The following GALNT13 variants were observed in gnomAD, a reference collection of about 807,000 sequenced individuals.
The protein encoded by GALNT13 is UDP-GalNAc:polypeptide N-acetylgalactosaminyltransferase 13.
In GALNT13, 28 loss-of-function variants were observed where a neutral mutation model predicts 64.2. That is an observed-to-expected ratio of 0.44 (90% CI 0.32 to 0.60). The LOEUF (loss-of-function observed/expected upper bound fraction) is 0.60. GALNT13 is among the 20% of genes least tolerant of loss of function. The pLI, the probability that GALNT13 is intolerant of heterozygous loss-of-function variation, is 0.05. For synonymous variants in GALNT13, 214 were observed against 224.6 expected (o/e 0.95, Z 0.42); for missense variants, 577 against 669.8 (o/e 0.86, Z 1.53).
At chr2:154,067,891 T>C (rs1700549736) in intron 3 of GALNT13, among the ~76,000 whole-genome samples, 1 of 151,720 alleles carries the variant, frequency 6.6e-6, no homozygotes, top group Non-Finnish European at 1.5e-5. Context: ...TAAAATCTTC[T>C]GCACAGCAAA....
At chr2:154,110,007 C>T (rs1247786876) in intron 3 of GALNT13, among the ~76,000 whole-genome samples, 1 of 151,642 alleles carries the variant, frequency 6.6e-6, no homozygotes, top group African/African-American at 2.4e-5. Flanking sequence ...TGGATGTGTT[C>T]ATTTCTTTTC....
chr2:154,322,483 G>A (rs537912436), intron 9 of GALNT13, among the ~76,000 whole-genome samples: 1 of 150,798 alleles, frequency 6.6e-6, no homozygotes, highest in African/African-American at 2.4e-5. Flanking sequence ...GAGACTAAAA[G>A]GACAATTGAA....
chr2:153,413,124 G>A, the GALNT13 span, among the ~76,000 whole-genome samples: 1 of 152,108 alleles, frequency 6.6e-6, no homozygotes, highest in African/African-American at 2.4e-5. Flanking sequence ...TGTCTTGAGA[G>A]GAGTAGTGAC....
rs143139856 is a variant in GALNT13 at position 153,887,116 on chromosome 2, C to G, written c.-176-13820C>G. Among the ~76,000 whole-genome samples the G allele has an allele frequency of 2.3e-3, 347 of 151,962 alleles. 4 individuals carry two copies. Among genetic ancestry groups the G allele is most frequent in the East Asian group, 1.2e-3 (6 of 5,158 alleles). On this transcript the variant is annotated intron_variant, in intron 1 of 12. Transcript: ENST00000392825. ...GGTCTCTTACTGGGCAAGAAGGTCT[C>G]TTTTAAGTGCTTTACATAACATTAA...
rs935788419 is a variant in GALNT13, at chr2:154,446,496, C to T, written c.1531-3915C>T. On this transcript the variant is annotated intron_variant, in intron 12 of 12. Coordinates refer to ENST00000392825, the MANE Select transcript of GALNT13 (RefSeq NM_052917.4). ...TTTATCCAGTAGAAATTGCATGTTG[C>T]CTAGGATGATTGATTTATTACTGTC... The T allele has an allele frequency of 3.5e-6, 5 of 1,409,956 alleles. No homozygotes were observed. The African/African-American group carries it at 5.8e-5, about 16-fold the overall frequency. 87.3% of individuals were successfully genotyped at this position (1,409,956 alleles called of 1,614,324 possible).
chr2:153,612,636 G>C, the GALNT13 span, among the ~76,000 whole-genome samples: 4 of 151,218 alleles, frequency 2.6e-5, no homozygotes, highest in Non-Finnish European at 3.0e-5. Context: ...AGAAAACAAA[G>C]AAAAAAAGGC....
chr2:153,429,292 A>G, the GALNT13 span, among the ~76,000 whole-genome samples: 2 of 152,228 alleles, frequency 1.3e-5, no homozygotes, highest in African/African-American at 4.8e-5. Flanking sequence ...CTTCCTTTAA[A>G]TGTCCTGAAT....
chr2:154,328,343 T>C (rs530265279), intron 9 of GALNT13, among the ~76,000 whole-genome samples: 5 of 152,288 alleles, frequency 3.3e-5, no homozygotes, highest in South Asian at 4.1e-4. Flanking sequence ...TTGCTCAACA[T>C]TGTTTTTGAT....
At chr2:153,458,034 T>C in the GALNT13 span, among the ~76,000 whole-genome samples, 1 of 152,196 alleles carries the variant, frequency 6.6e-6, no homozygotes, top group African/African-American at 2.4e-5. Context: ...TTTGTTTCAA[T>C]GGTTACCATT....
chr2:154,291,719 C>T (rs995764822), intron 8 of GALNT13, among the ~76,000 whole-genome samples: 58 of 152,236 alleles, frequency 3.8e-4, no homozygotes, highest in Non-Finnish European at 6.6e-4. Flanking sequence ...CTGGCTCCCG[C>T]CTTGGCCAGC....
At chr2:153,422,840 A>C in the GALNT13 span, among the ~76,000 whole-genome samples, 27 of 152,112 alleles carry the variant, frequency 1.8e-4, no homozygotes, top group Admixed American at 3.3e-4. Context: ...TTGGTGGAAA[A>C]CACAACGACA....
At chr2:154,380,857 A>G (rs1208029811) in intron 9 of GALNT13, among the ~76,000 whole-genome samples, 7 of 151,938 alleles carry the variant, frequency 4.6e-5, no homozygotes, top group African/African-American at 1.7e-4. Flanking sequence ...CCAATTTTAC[A>G]TGTCAGAATT....
intron 2 of GALNT13, among the ~76,000 whole-genome samples, chr2:153,932,626 C>CTTTTTTTTTTTTTT (rs34617568): frequency 1.0e-5 from 1 of 95,652 alleles, no homozygotes; most frequent in Non-Finnish European, 2.0e-5. Flanking sequence ...TTCTGTCTTT[C>CTTTTTTTTTTTTTT]TTTTTTTTTT....
intron 8 of GALNT13, among the ~76,000 whole-genome samples, chr2:154,260,642 C>T (rs1158785974): frequency 6.6e-6 from 1 of 152,122 alleles, no homozygotes; most frequent in Admixed American, 6.6e-5. Context: ...GACAGTAACT[C>T]TTTGCAGGAA....
intron 2 of GALNT13, among the ~76,000 whole-genome samples, chr2:153,935,446 G>T (rs150794750): frequency 1.3e-5 from 2 of 152,204 alleles, no homozygotes; most frequent in Non-Finnish European, 1.5e-5. Flanking sequence ...TTAAGCATGT[G>T]TCATGTCACT....
the GALNT13 span, among the ~76,000 whole-genome samples, chr2:153,630,678 T>TA: frequency 3.5e-4 from 45 of 127,254 alleles, no homozygotes; most frequent in Non-Finnish European, 5.5e-4. Context: ...ATTAAAAAAT[T>TA]AAAAAAAATT....
the GALNT13 span, among the ~76,000 whole-genome samples, chr2:153,265,440 C>T: frequency 6.6e-6 from 1 of 152,186 alleles, no homozygotes; most frequent in South Asian, 2.1e-4. Context: ...TTGCTTTCTA[C>T]TGTGACAGGG....
chr2:153,501,452 C>G, the GALNT13 span, among the ~76,000 whole-genome samples: 3 of 152,128 alleles, frequency 2.0e-5, no homozygotes, highest in African/African-American at 7.2e-5. Context: ...CCACCTCAGC[C>G]CTCCTGGTAG....
the GALNT13 span, among the ~76,000 whole-genome samples, chr2:153,766,621 T>C: frequency 6.6e-6 from 1 of 152,164 alleles, no homozygotes; most frequent in African/African-American, 2.4e-5. Context: ...TTCTTTTCTC[T>C]GTCTGATCAA....
Sources: allele counts gnomAD v4.1 joint callset (sites outside exome capture counted in the v4.1 genomes callset), GRCh38; gene constraint gnomAD v4.1.1; transcripts MANE v1.5; gene names NCBI Gene and HGNC (gene_info 2026-07-23, HGNC 2026-07-21).